The following OSBPL1A variants were observed in gnomAD, a reference collection of about 807,000 sequenced individuals.
OSBPL1A encodes oxysterol binding protein like 1A, also known as oxysterol-binding protein-related protein 1.
A neutral mutation model predicts 137.1 loss-of-function variants in OSBPL1A; 80 were observed. The observed-to-expected ratio is 0.58, with a 90% CI of 0.49 to 0.70. The LOEUF (loss-of-function observed/expected upper bound fraction) is 0.70. Ranked by LOEUF, OSBPL1A falls within the 30% of genes least tolerant of loss-of-function variation. The pLI, the probability that OSBPL1A is intolerant of heterozygous loss-of-function variation, is 0.00. For missense variants in OSBPL1A, 970 were observed against 1,129.4 expected, an observed-to-expected ratio of 0.86 and a Z score of 2.02; for synonymous variants, 365 against 389.7, an observed-to-expected ratio of 0.94 and a Z score of 0.75.
At chr18:24,351,775 G>A (rs1276480503) in intron 4 of OSBPL1A, among the ~76,000 whole-genome samples, 1 of 152,152 alleles carries the variant, frequency 6.6e-6, no homozygotes, top group Admixed American at 6.5e-5. Flanking sequence ...CCTGACCTCA[G>A]GTGATCTGCC....
At chr18:24,282,189 A>G (rs1032115879) in intron 14 of OSBPL1A, among the ~76,000 whole-genome samples, 3 of 152,226 alleles carry the variant, frequency 2.0e-5, no homozygotes, top group South Asian at 2.1e-4. Context: ...CAAAAAAAAA[A>G]GTTTACAGGA....
At chr18:24,216,576 C>T (rs564756602) in intron 17 of OSBPL1A, among the ~76,000 whole-genome samples, 30 of 152,206 alleles carry the variant, frequency 2.0e-4, no homozygotes, top group Non-Finnish European at 4.3e-4. Context: ...TCTTATTTCA[C>T]ATTTACCAAT....
At position 24,173,395 on chromosome 18, in the gene OSBPL1A, TA is replaced by T. The variant is rs200597705; in HGVS notation, c.2094-913del. ...GTACCCCCAAACCTAAAATAAAAGT[TA>T]AAAAAAAAGTTTTATTTTACTTTTT... On this transcript the variant is annotated intron_variant, in intron 21 of 27. Coordinates refer to ENST00000319481, the MANE Select transcript of OSBPL1A (RefSeq NM_080597.4). Among the ~76,000 whole-genome samples the T allele has an allele frequency of 8.9e-3, 1,346 of 151,256 alleles. 19 individuals are homozygous for T. The highest frequency in any genetic ancestry group is 0.031 in the African/African-American group (1,295 of 41,268).
chr18:24,268,688 C>T (rs753522558), intron 15 of OSBPL1A, among the ~76,000 whole-genome samples: 1 of 152,114 alleles, frequency 6.6e-6, no homozygotes, highest in East Asian at 1.9e-4. Context: ...CCTCTCTGGT[C>T]GCCTTTTCTC....
At position 24,395,155 on chromosome 18, in the gene OSBPL1A, C is replaced by T. The variant is rs146527591; in HGVS notation, c.-3+2500G>A. 4.8e-3 allele frequency among the ~76,000 whole-genome samples: 724 copies of T among 152,290 alleles called. 4 individuals carry two copies. Among genetic ancestry groups the T allele is most frequent in the Middle Eastern group, 0.01 (3 of 294 alleles). ...TGACTGCAGTGCTAAAACCTGTCCT[C>T]TTTCTAGGAAATTCAGAGAACTTGC... is the stretch of plus-strand genomic sequence containing the variant. On this transcript the variant is annotated intron_variant, in intron 1 of 27. Coordinates refer to ENST00000319481, the MANE Select transcript of OSBPL1A (RefSeq NM_080597.4).
chr18:24,208,987 G>A (rs1041293751), intron 17 of OSBPL1A, among the ~76,000 whole-genome samples: 2 of 152,212 alleles, frequency 1.3e-5, no homozygotes, highest in Non-Finnish European at 2.9e-5. Context: ...CACCAGGGCA[G>A]TGGCTGAAAG....
chr18:24,263,530 T>C (rs1341334751), intron 15 of OSBPL1A, among the ~76,000 whole-genome samples: 1 of 152,220 alleles, frequency 6.6e-6, no homozygotes, highest in Non-Finnish European at 1.5e-5. Flanking sequence ...ATTGCAATAT[T>C]TGCCATGTAT....
At chr18:24,390,101 G>C (rs1907217412) in intron 1 of OSBPL1A, among the ~76,000 whole-genome samples, 1 of 152,094 alleles carries the variant, frequency 6.6e-6, no homozygotes. Context: ...AGTTCTTAAA[G>C]GTATTAGAAA....
chr18:24,305,255 T>C (rs2090478111), intron 13 of OSBPL1A, among the ~76,000 whole-genome samples: 1 of 152,234 alleles, frequency 6.6e-6, no homozygotes, highest in Non-Finnish European at 1.5e-5. Flanking sequence ...GGAAACACCT[T>C]CTATAGCATC....
rs199531867 is a variant in OSBPL1A at position 24,366,924 on chromosome 18, G to A, written c.250C>T (p.Pro84Ser). 1 of 1,611,620 alleles carries A rather than the reference G, an allele frequency of 6.2e-7. No homozygotes were observed. The change falls in exon 4 of 28, where the codon CCG becomes TCG. Residue 84 changes from proline to serine, a missense_variant. Coordinates refer to ENST00000319481, the MANE Select transcript of OSBPL1A (RefSeq NM_080597.4). ...VNVLNDMGDT[P>S]LHRAAFTGRK... ...CCTGTAAAGGCAGCTCGATGAAGCGGCGTGTCTCCCATGTCATTCAACACA... is the reference window on the plus strand; with the variant it reads ...CCTGTAAAGGCAGCTCGATGAAGCGACGTGTCTCCCATGTCATTCAACACA...
chr18:24,322,271 G>A (rs1476304428), intron 7 of OSBPL1A, among the ~76,000 whole-genome samples: 13 of 147,492 alleles, frequency 8.8e-5, no homozygotes, highest in Admixed American at 3.4e-4. Context: ...CATCACGCCC[G>A]GCTAATTTTT....
rs144063584 is a variant in OSBPL1A, at chr18:24,332,373, G to C, written c.625+569C>G. On this transcript the variant is annotated intron_variant, in intron 7 of 27. Coordinates refer to ENST00000319481, the MANE Select transcript of OSBPL1A (RefSeq NM_080597.4). Reference sequence around the variant, plus strand: ...TGCACTCCAGACTGGGCAACAGAGAGAGACTCTGTCTCAAAAAAAAAAAAA... The same window carrying C: ...TGCACTCCAGACTGGGCAACAGAGACAGACTCTGTCTCAAAAAAAAAAAAA... 4.9e-3 allele frequency among the ~76,000 whole-genome samples: 531 copies of C among 107,722 alleles called. 5 individuals are homozygous for C. The highest frequency in any genetic ancestry group is 0.019 in the African/African-American group (511 of 26,354). The allele number at this position is 107,722 out of a possible 152,430, so 70.7% of individuals were successfully genotyped here.
In OSBPL1A at chr18:24,271,239, C is replaced by T. The variant is rs2089710443; in HGVS notation, c.1281+9603G>A. 6.6e-6 allele frequency among the ~76,000 whole-genome samples: 1 copy of T among 152,164 alleles called. No homozygotes were observed. The highest frequency in any genetic ancestry group is 1.5e-5 in the Non-Finnish European group (1 of 68,028). ...CAATGTCAGCCGGAGCACAGCCATG[C>T]GAAAAATCACTAACTTGGAAGGTTA... On this transcript the variant is annotated intron_variant, in intron 15 of 27. Transcript: ENST00000319481. This position sits in a 1 kb window ranked among gnomAD's most constrained non-coding sequence, Gnocchi z 4.0.
chr18:24,264,993 T>C (rs891243950), intron 15 of OSBPL1A, among the ~76,000 whole-genome samples: 1 of 152,162 alleles, frequency 6.6e-6, no homozygotes, highest in Non-Finnish European at 1.5e-5. Flanking sequence ...GAATGGGTGC[T>C]TTTACTTTCA....
At chr18:24,196,382 GC>G (rs2087031963) in intron 17 of OSBPL1A, among the ~76,000 whole-genome samples, 182 bp from the exon 18 acceptor site, 1 of 152,074 alleles carries the variant, frequency 6.6e-6, no homozygotes, top group Non-Finnish European at 1.5e-5. Context: ...ACCTACTTTG[GC>G]CCCTGAAAGA....
chr18:24,272,044 C>T, intron 15 of OSBPL1A: 1 of 982,420 alleles, frequency 1.0e-6, no homozygotes, highest in Non-Finnish European at 1.2e-6. Flanking sequence ...GCGTCCGGGC[C>T]GCTCCTCCCC....
At chr18:24,237,094 A>T (rs931204536) in intron 16 of OSBPL1A, among the ~76,000 whole-genome samples, 1 of 152,162 alleles carries the variant, frequency 6.6e-6, no homozygotes, top group Admixed American at 6.5e-5. Context: ...CTTAAAAAAA[A>T]AATCTATATA....
intron 14 of OSBPL1A, among the ~76,000 whole-genome samples, chr18:24,298,658 T>C (rs1010681460): frequency 1.1e-4 from 17 of 152,232 alleles, no homozygotes; most frequent in Non-Finnish European, 2.4e-4. Context: ...CTGAAATCTT[T>C]CTTGCATGAG....
At chr18:24,369,309 T>G (rs1905425282) in intron 2 of OSBPL1A, among the ~76,000 whole-genome samples, 1 of 152,194 alleles carries the variant, frequency 6.6e-6, no homozygotes, top group African/African-American at 2.4e-5. Flanking sequence ...AACTGAGTGT[T>G]GCAAAAACTA....
Sources: allele counts gnomAD v4.1 joint callset (sites outside exome capture counted in the v4.1 genomes callset), GRCh38; gene constraint gnomAD v4.1.1; non-coding constraint Gnocchi (gnomAD v3.1); transcripts MANE v1.5; gene names NCBI Gene and HGNC (gene_info 2026-07-23, HGNC 2026-07-21).